The following SRL variants were observed in gnomAD, a reference collection of about 807,000 sequenced individuals.
The protein encoded by SRL is sarcalumenin.
Under a neutral mutation model 39.5 loss-of-function variants are expected in SRL, and 23 were observed. The observed-to-expected ratio is 0.58, with a 90% CI of 0.42 to 0.82. The LOEUF (loss-of-function observed/expected upper bound fraction) is 0.82. Among genes scored for constraint, SRL ranks in the 40% least tolerant of loss-of-function variants. The pLI is 0.00. For missense variants in SRL, 592 were observed against 607.8 expected (o/e 0.97, Z 0.27); for synonymous variants, 272 against 237.4 (o/e 1.15, Z -1.34).
rs2052493595 is a variant in SRL at position 4,219,216 on chromosome 16, C to A, written c.62-14582G>T. ...CCAGTGCACTGGGACAAAGCTAGAA[C>A]TAGAGACAAGGTCTCCTGACCCCGC... On this transcript the variant is annotated intron_variant, in intron 1 of 5. Transcript: ENST00000399609. Among the ~76,000 whole-genome samples, 4 of 152,264 alleles carry A rather than the reference C, an allele frequency of 2.6e-5. No homozygotes were observed. The South Asian group carries it at 8.3e-4, about 32-fold the overall frequency.
At chr16:4,238,083 C>T (rs774324794) in intron 1 of SRL, among the ~76,000 whole-genome samples, 5 of 152,206 alleles carry the variant, frequency 3.3e-5, no homozygotes, top group African/African-American at 4.8e-5. Context: ...GATGGGTTCA[C>T]GAATGATGGA....
rs184947768 is a variant in SRL at position 4,219,240 on chromosome 16, G to A, written c.62-14606C>T. On this transcript the variant is annotated intron_variant, in intron 1 of 5. Coordinates refer to ENST00000399609, the MANE Select transcript of SRL (RefSeq NM_001098814.2). The stretch of plus-strand genomic sequence containing the variant: ...ACTAGAGACAAGGTCTCCTGACCCC[G>A]CAGCCGTAGTCTTCCCATAGGGGGC... 2.2e-4 allele frequency among the ~76,000 whole-genome samples: 33 copies of A among 152,342 alleles called. 1 individual carries two copies. In the Middle Eastern group the frequency reaches 0.02, roughly 94 times the overall value.
At chr16:4,223,837 G>A (rs372252271) in intron 1 of SRL, among the ~76,000 whole-genome samples, 3 of 152,180 alleles carry the variant, frequency 2.0e-5, no homozygotes, top group Non-Finnish European at 4.4e-5. Context: ...ACCTGCTTGT[G>A]TGAGGCTGCA....
At chr16:4,232,586 C>T (rs1043332500) in intron 1 of SRL, among the ~76,000 whole-genome samples, 8 of 152,088 alleles carry the variant, frequency 5.3e-5, no homozygotes, top group Non-Finnish European at 1.2e-4. Context: ...TTACAGTTCA[C>T]CGCAGCCATG....
At chr16:4,222,566 A>C (rs2052542277) in intron 1 of SRL, among the ~76,000 whole-genome samples, 1 of 152,012 alleles carries the variant, frequency 6.6e-6, no homozygotes, top group African/African-American at 2.4e-5. Flanking sequence ...GAGCCACTGC[A>C]CCCGGCTTTT....
chr16:4,202,026 A>C (rs1331712448), intron 3 of SRL, among the ~76,000 whole-genome samples: 2 of 152,046 alleles, frequency 1.3e-5, no homozygotes, highest in African/African-American at 4.8e-5. Context: ...CCTGGGCTCA[A>C]GCCATCCTCC....
intron 1 of SRL, among the ~76,000 whole-genome samples, chr16:4,213,969 C>G (rs1027611300): frequency 3.3e-5 from 5 of 152,186 alleles, no homozygotes; most frequent in African/African-American, 4.8e-5. Context: ...ACAAAGCTCC[C>G]TGGGAGCGAC....
At chr16:4,217,076 G>A (rs1376690755) in intron 1 of SRL, among the ~76,000 whole-genome samples, 1 of 152,196 alleles carries the variant, frequency 6.6e-6, no homozygotes, top group African/African-American at 2.4e-5. Flanking sequence ...AAGCTGGAGG[G>A]AATCTTCTTG....
chr16:4,220,765 G>C (rs761515191), intron 1 of SRL, among the ~76,000 whole-genome samples: 1 of 152,110 alleles, frequency 6.6e-6, no homozygotes, highest in African/African-American at 2.4e-5. Flanking sequence ...GAGGCAGGGG[G>C]ATCGCTTGAG....
chr16:4,237,084 G>A (rs762891926), intron 1 of SRL, among the ~76,000 whole-genome samples: 19 of 150,754 alleles, frequency 1.3e-4, no homozygotes, highest in Non-Finnish European at 2.2e-4. Flanking sequence ...TGGGACTACA[G>A]GTACCCGCCA....
At chr16:4,203,462 A>G (rs1319729748) in intron 2 of SRL, among the ~76,000 whole-genome samples, 1 of 152,160 alleles carries the variant, frequency 6.6e-6, no homozygotes, top group Non-Finnish European at 1.5e-5. Flanking sequence ...CCTCCAAATG[A>G]AAAGGCATTC....
At chr16:4,203,503 T>G (rs573098871) in intron 2 of SRL, among the ~76,000 whole-genome samples, 3 of 152,152 alleles carry the variant, frequency 2.0e-5, no homozygotes, top group African/African-American at 7.2e-5. Flanking sequence ...TCCTGAACTG[T>G]TTGGTTATTT....
intron 1 of SRL, among the ~76,000 whole-genome samples, chr16:4,209,158 C>T (rs555490148): frequency 2.1e-3 from 313 of 152,094 alleles, no homozygotes; most frequent in Middle Eastern, 6.8e-3. Context: ...CCTGTAATCC[C>T]GGCTACTCAG....
chr16:4,207,539 C>A (rs1365751817), intron 1 of SRL: 1 of 456,020 alleles, frequency 2.2e-6, no homozygotes, highest in Non-Finnish European at 4.4e-6. Flanking sequence ...GAGGAGAGGC[C>A]CCCTCTGCCT....
chr16:4,216,876 G>C (rs2052467134), intron 1 of SRL, among the ~76,000 whole-genome samples: 1 of 152,206 alleles, frequency 6.6e-6, no homozygotes, highest in South Asian at 2.1e-4. Flanking sequence ...CAATCTCCCT[G>C]GGATCTGTGG....
chr16:4,239,672 C>G (rs1433830235), intron 1 of SRL: 2 of 152,394 alleles, frequency 1.3e-5, no homozygotes, highest in Non-Finnish European at 2.9e-5. Context: ...CAGGCAGGGT[C>G]TGTCACAGAG....
At chr16:4,193,882 T>C (rs1457002182) in intron 5 of SRL, among the ~76,000 whole-genome samples, 1 of 150,530 alleles carries the variant, frequency 6.6e-6, no homozygotes, top group African/African-American at 2.4e-5. Context: ...TTATTAACAT[T>C]ATTAACATTA....
chr16:4,240,825 T>C (rs1250032001), intron 1 of SRL, among the ~76,000 whole-genome samples: 2 of 152,190 alleles, frequency 1.3e-5, no homozygotes, highest in East Asian at 3.9e-4. Flanking sequence ...GCTGTTTCCA[T>C]ACTTAGCCGC....
intron 2 of SRL, 56 bp from the exon 3 acceptor site, chr16:4,203,317 C>A (rs1597272733): frequency 1.3e-6 from 2 of 1,503,696 alleles, no homozygotes; most frequent in South Asian, 1.1e-5. Flanking sequence ...CCAGGCAGCT[C>A]CTCCATTGTG....
Sources: gnomAD v4.1 joint callset for allele counts (sites outside exome capture counted in the v4.1 genomes callset) on GRCh38, gnomAD v4.1.1 for gene constraint, MANE v1.5 for transcripts, NCBI Gene and HGNC (gene_info 2026-07-23, HGNC 2026-07-21) for gene names.